KIAA0319: variants seen among roughly 807,000 people sequenced by gnomAD.
KIAA0319 encodes dyslexia-associated protein KIAA0319.
Under a neutral mutation model 108.4 loss-of-function variants are expected in KIAA0319, and 83 were observed. The ratio of observed to expected loss-of-function variants is 0.77; its 90% CI spans 0.64 to 0.92. The LOEUF is 0.92. KIAA0319 is among the 40% of genes least tolerant of loss of function. The pLI is 0.00. For synonymous variants in KIAA0319, 484 were observed against 510.4 expected, an observed-to-expected ratio of 0.95 and a Z score of 0.70; for missense variants, 1,195 against 1,322.4, an observed-to-expected ratio of 0.90 and a Z score of 1.49.
At chr6:24,576,338 AAAAGT>A (rs756691933) in intron 10 of KIAA0319, 25 bp downstream of exon 10, 21 of 1,569,532 alleles carry the variant, frequency 1.3e-5, no homozygotes, top group Non-Finnish European at 1.8e-5. Context: ...ACAGACAGAC[AAAAGT>A]CTGAAGGCAG....
intron 11 of KIAA0319, among the ~76,000 whole-genome samples, chr6:24,570,793 T>C (rs932397057): frequency 6.6e-6 from 1 of 152,158 alleles, no homozygotes; most frequent in Non-Finnish European, 1.5e-5. Flanking sequence ...TAGGGCTTAC[T>C]TCCTTTTGTC....
intron 8 of KIAA0319, among the ~76,000 whole-genome samples, chr6:24,579,412 G>GATATATATAT (rs3840133): frequency 0.063 from 8,059 of 127,068 alleles, 360 homozygotes; most frequent in South Asian, 0.12. Context: ...TCTATATAAA[G>GATATATATAT]ATATATATAT....
chr6:24,577,562 T>C (rs939969915), intron 9 of KIAA0319, among the ~76,000 whole-genome samples: 1 of 152,186 alleles, frequency 6.6e-6, no homozygotes, highest in Admixed American at 6.5e-5. Context: ...GGAGCAGTGA[T>C]GAGTGCTAAA....
intron 1 of KIAA0319, among the ~76,000 whole-genome samples, chr6:24,628,532 T>TTTC (rs1562099381): frequency 5.4e-4 from 82 of 151,306 alleles, no homozygotes; most frequent in African/African-American, 1.5e-3. Flanking sequence ...TTCTTTCTTT[T>TTTC]TTTTTTTTAA....
chr6:24,638,923 CACAA>C (rs1386085091), intron 1 of KIAA0319, among the ~76,000 whole-genome samples: 9 of 151,960 alleles, frequency 5.9e-5, no homozygotes, highest in African/African-American at 1.5e-4. Flanking sequence ...TCCTATCAAA[CACAA>C]ACAAACAAAG....
intron 1 of KIAA0319, among the ~76,000 whole-genome samples, chr6:24,629,332 G>A (rs760253689): frequency 7.9e-5 from 12 of 151,794 alleles, no homozygotes; most frequent in Non-Finnish European, 7.4e-5. Flanking sequence ...TGGCTAACAC[G>A]GTGAAACCCC....
chr6:24,595,782 G>A, intron 3 of KIAA0319, 91 bp downstream of exon 3: 1 of 1,428,026 alleles, frequency 7.0e-7, no homozygotes, highest in Non-Finnish European at 9.4e-7. Context: ...CATACAGCCT[G>A]AATGAGTGCC....
At chr6:24,551,384 A>G in intron 20 of KIAA0319, 50 bp downstream of exon 20, 1 of 1,284,288 alleles carries the variant, frequency 7.8e-7, no homozygotes, top group Non-Finnish European at 1.1e-6. Flanking sequence ...AGGCCTACCT[A>G]GGTTAAATCA....
At chr6:24,602,016 ATTTC>A (rs1182316386) in intron 1 of KIAA0319, among the ~76,000 whole-genome samples, 1 of 150,504 alleles carries the variant, frequency 6.6e-6, no homozygotes, top group African/African-American at 2.4e-5. Context: ...ACACTACTGT[ATTTC>A]TTTTTTTTTT....
At chr6:24,638,589 T>C (rs1170365670) in intron 1 of KIAA0319, among the ~76,000 whole-genome samples, 2 of 152,028 alleles carry the variant, frequency 1.3e-5, no homozygotes, top group Admixed American at 6.5e-5. Context: ...TGAAAACCTG[T>C]CTCTACTAAA....
rs1174814764 is a variant in KIAA0319 at position 24,583,615 on chromosome 6, G to A, written c.1082C>T (p.Ala361Val). 2 of 1,612,140 alleles carry A rather than the reference G, an allele frequency of 1.2e-6. No homozygotes were observed. The highest frequency in any genetic ancestry group is 1.3e-5 in the African/African-American group (1 of 74,866). ...GGTTAAACTCTCACCTACAGGTGGC[G>A]CTGGCGCAACAAAGGCCTTCAGTTC... ...EVELKAFVAPAPPVETTYNYE... is the reference protein window; with the variant it reads ...EVELKAFVAPVPPVETTYNYE... Residue 361 changes from alanine to valine, a missense_variant, in exon 5 of 21, where the codon GCG becomes GTG. By Grantham distance (64) the Ala-to-Val change is moderately conservative. Coordinates refer to ENST00000378214, the MANE Select transcript of KIAA0319 (RefSeq NM_014809.4).
intron 14 of KIAA0319, among the ~76,000 whole-genome samples, chr6:24,564,734 T>A (rs1369959496): frequency 6.6e-6 from 1 of 152,220 alleles, no homozygotes; most frequent in Non-Finnish European, 1.5e-5. Context: ...AATTCCCTCA[T>A]AATGTATCAT....
chr6:24,547,295 T>A lies in KIAA0319; in HGVS notation c.3089A>T (p.Glu1030Val). The A allele has an allele frequency of 6.2e-7, 1 of 1,614,186 alleles. No individual in the cohort carries two copies. The highest frequency in any genetic ancestry group is 8.5e-7 in the Non-Finnish European group (1 of 1,180,004). The change falls in exon 21 of 21, where the codon GAG becomes GTG. Residue 1030 changes from glutamate to valine, a missense_variant. Transcript: ENST00000378214. Reference sequence around the variant, plus strand: ...GTCCTGGTCACTGTCAAACTCAGACTCGGATACCATCAGGCTGGAGTTGTG... The same window carrying A: ...GTCCTGGTCACTGTCAAACTCAGACACGGATACCATCAGGCTGGAGTTGTG... ...TEHNSSLMVSESEFDSDQDTI... is the reference protein window; with the variant it reads ...TEHNSSLMVSVSEFDSDQDTI...
intron 1 of KIAA0319, among the ~76,000 whole-genome samples, chr6:24,605,683 T>A (rs969707593): frequency 6.6e-6 from 1 of 152,188 alleles, no homozygotes; most frequent in Non-Finnish European, 1.5e-5. Context: ...ATGGATCAAT[T>A]GTATACATGT....
At chr6:24,612,206 C>T (rs926859458) in intron 1 of KIAA0319, among the ~76,000 whole-genome samples, 1 of 152,122 alleles carries the variant, frequency 6.6e-6, no homozygotes, top group Non-Finnish European at 1.5e-5. Flanking sequence ...CATCCCAATA[C>T]TCTCAGAGGC....
At chr6:24,608,505 C>T (rs916155789) in intron 1 of KIAA0319, among the ~76,000 whole-genome samples, 1 of 151,930 alleles carries the variant, frequency 6.6e-6, no homozygotes, top group East Asian at 1.9e-4. Flanking sequence ...ACTGGTCCTA[C>T]CATATAATGA....
intron 1 of KIAA0319, among the ~76,000 whole-genome samples, chr6:24,623,242 C>T (rs1457196258): frequency 3.3e-5 from 5 of 151,960 alleles, no homozygotes; most frequent in African/African-American, 1.2e-4. Flanking sequence ...CACATACACG[C>T]ACACACACAA....
intron 5 of KIAA0319, among the ~76,000 whole-genome samples, chr6:24,582,552 T>G (rs1766745525): frequency 6.6e-6 from 1 of 151,730 alleles, no homozygotes; most frequent in Admixed American, 6.6e-5. Context: ...TCTTATGAAC[T>G]TGACTTTCAA....
chr6:24,618,769 T>TA (rs375873090), intron 1 of KIAA0319, among the ~76,000 whole-genome samples: 42 of 142,894 alleles, frequency 2.9e-4, no homozygotes, highest in South Asian at 6.6e-4. Context: ...ATGAAATGTT[T>TA]AAAAAAAAAA....
Sources: allele counts gnomAD v4.1 joint callset (sites outside exome capture counted in the v4.1 genomes callset), GRCh38; gene constraint gnomAD v4.1.1; transcripts MANE v1.5; gene names NCBI Gene and HGNC (gene_info 2026-07-23, HGNC 2026-07-21).